NEO1: variants seen among roughly 807,000 people sequenced by gnomAD.
The protein encoded by NEO1 is neogenin.
A neutral mutation model predicts 159.7 loss-of-function variants in NEO1; 63 were observed. That is an observed-to-expected ratio of 0.39 (90% CI 0.32 to 0.49). NEO1 has a LOEUF of 0.49. Among genes scored for constraint, NEO1 ranks in the 20% least tolerant of loss-of-function variants. NEO1 has a pLI of 0.85. For missense variants in NEO1, 1,615 were observed against 1,831.0 expected (o/e 0.88, Z 2.15); for synonymous variants, 633 against 662.0 (o/e 0.96, Z 0.67).
chr15:73,214,600 T>G (rs950235974), intron 7 of NEO1, among the ~76,000 whole-genome samples: 1 of 152,322 alleles, frequency 6.6e-6, no homozygotes, highest in Middle Eastern at 3.4e-3. Flanking sequence ...TGGGTTTGTT[T>G]CCAGGTTCTC....
At position 73,168,490 on chromosome 15, in the gene NEO1, C is replaced by T. The variant is rs550033711; in HGVS notation, c.1016-7913C>T. On this transcript the variant is annotated intron_variant, in intron 5 of 28. Transcript: ENST00000261908. Reference sequence around the variant, plus strand: ...CTAGGATTACAGGTGTGAGCCACCGCGCTGGCCGAGAAATACTTTTAATTA... The same window carrying T: ...CTAGGATTACAGGTGTGAGCCACCGTGCTGGCCGAGAAATACTTTTAATTA... 4.0e-5 allele frequency among the ~76,000 whole-genome samples: 6 copies of T among 151,396 alleles called. No homozygotes were observed. The East Asian group carries it at 5.8e-4, about 15-fold the overall frequency.
rs1251683023 is a variant in NEO1 at position 73,175,974 on chromosome 15, TTTG to T, written c.1016-417_1016-415del. Among the ~76,000 whole-genome samples the T allele has an allele frequency of 2.4e-4, 37 of 152,276 alleles. No individual in the cohort carries two copies. The South Asian group carries it at 2.7e-3, about 11-fold the overall frequency. On this transcript the variant is annotated intron_variant, in intron 5 of 28. Coordinates refer to ENST00000261908, the MANE Select transcript of NEO1 (RefSeq NM_002499.4). ...GACTCTAATGTGACGTTTATTTTAC[TTTG>T]TTGTTGTTGTTCTTACTTATCAAGC...
chr15:73,100,859 G>A (rs1291427929), intron 1 of NEO1, among the ~76,000 whole-genome samples: 1 of 152,018 alleles, frequency 6.6e-6, no homozygotes, highest in Admixed American at 6.6e-5. Flanking sequence ...AGCTATTTCA[G>A]ATGTTTTCCA....
intron 1 of NEO1, among the ~76,000 whole-genome samples, chr15:73,064,220 T>C (rs1439433719): frequency 1.3e-5 from 2 of 152,226 alleles, no homozygotes; most frequent in African/African-American, 4.8e-5. Flanking sequence ...TTCCACTTTG[T>C]TCACACTTAA....
intron 1 of NEO1, among the ~76,000 whole-genome samples, chr15:73,113,179 CT>C (rs139631574): frequency 5.3e-4 from 76 of 144,486 alleles, no homozygotes; most frequent in East Asian, 4.0e-4. Flanking sequence ...CTCTTACTGG[CT>C]TTTTTTTTTT....
intron 26 of NEO1, among the ~76,000 whole-genome samples, chr15:73,298,021 C>A (rs1046980901): frequency 2.0e-5 from 3 of 152,216 alleles, no homozygotes; most frequent in Non-Finnish European, 4.4e-5. Context: ...TTTTAATTTT[C>A]TTTTATACTT....
chr15:73,144,968 C>T (rs1282743529), intron 5 of NEO1, among the ~76,000 whole-genome samples: 1 of 152,144 alleles, frequency 6.6e-6, no homozygotes, highest in African/African-American at 2.4e-5. Flanking sequence ...ACCTATATTA[C>T]TGCAGTAGTT....
At chr15:73,274,340 G>C (rs1222544492) in intron 20 of NEO1, among the ~76,000 whole-genome samples, 2 of 152,166 alleles carry the variant, frequency 1.3e-5, no homozygotes, top group Non-Finnish European at 2.9e-5. Flanking sequence ...GTGTGTTCTT[G>C]TGATGGATAG....
At chr15:73,150,266 T>A (rs2033266099) in intron 5 of NEO1, among the ~76,000 whole-genome samples, 2 of 152,368 alleles carry the variant, frequency 1.3e-5, no homozygotes, top group African/African-American at 2.4e-5. Flanking sequence ...AGTATTTTTT[T>A]AAAAGAACTA....
At chr15:73,236,540 C>G (rs201851993) in intron 8 of NEO1, 34 bp downstream of exon 8, 3 of 1,601,506 alleles carry the variant, frequency 1.9e-6, no homozygotes, top group Non-Finnish European at 2.6e-6. Flanking sequence ...CAGTTGGCTG[C>G]CTCTTGGTCA....
At chr15:73,053,876 C>G (rs372360740) in intron 1 of NEO1, among the ~76,000 whole-genome samples, 1 of 152,164 alleles carries the variant, frequency 6.6e-6, no homozygotes, top group East Asian at 1.9e-4. Flanking sequence ...CTTGTTTTTC[C>G]CTGATTTATA....
rs531493888 is a variant in NEO1 at position 73,132,400 on chromosome 15, A to G, written c.879-3491A>G. 6.6e-5 allele frequency among the ~76,000 whole-genome samples: 10 copies of G among 152,228 alleles called. No individual in the cohort carries two copies. The East Asian group carries it at 1.7e-3, about 26-fold the overall frequency. The stretch of plus-strand genomic sequence containing the variant: ...GTCTGAGTGTGTCATTACTCTGCTC[A>G]AAAGCCTTTCCCTAAGACCTGAAAC... On this transcript the variant is annotated intron_variant, in intron 4 of 28. Transcript: ENST00000261908.
chr15:73,201,490 A>C (rs888759765), intron 7 of NEO1, among the ~76,000 whole-genome samples: 1 of 152,070 alleles, frequency 6.6e-6, no homozygotes, highest in Admixed American at 6.5e-5. Flanking sequence ...GATGTTGTCT[A>C]TCTTGGTGAA....
At chr15:73,130,997 G>T (rs2031047315) in intron 4 of NEO1, among the ~76,000 whole-genome samples, 1 of 152,160 alleles carries the variant, frequency 6.6e-6, no homozygotes, top group African/African-American at 2.4e-5. Context: ...CCACTTACAT[G>T]TTAATGGAGG....
chr15:73,160,410 C>T (rs995664434), intron 5 of NEO1, among the ~76,000 whole-genome samples: 1 of 152,144 alleles, frequency 6.6e-6, no homozygotes, highest in Non-Finnish European at 1.5e-5. Context: ...GAGTTTATTT[C>T]ATATGTATAT....
At chr15:73,206,046 A>G (rs1192833343) in intron 7 of NEO1, among the ~76,000 whole-genome samples, 1 of 151,920 alleles carries the variant, frequency 6.6e-6, no homozygotes, top group African/African-American at 2.4e-5. Flanking sequence ...TAGCTGGGCT[A>G]CAGGCATGTG....
chr15:73,078,933 G>T (rs549418910), intron 1 of NEO1, among the ~76,000 whole-genome samples: 10 of 152,236 alleles, frequency 6.6e-5, no homozygotes, highest in Non-Finnish European at 1.5e-4. Context: ...CTCAGGCCAG[G>T]CTCTTAACCA....
intron 1 of NEO1, among the ~76,000 whole-genome samples, chr15:73,060,165 A>G (rs1303384202): frequency 6.6e-6 from 1 of 152,214 alleles, no homozygotes; most frequent in Admixed American, 6.5e-5. Context: ...AATTCACAGC[A>G]TAGCTTTAAA....
chr15:73,239,359 A>G (rs545567202), intron 8 of NEO1, among the ~76,000 whole-genome samples: 27 of 152,314 alleles, frequency 1.8e-4, no homozygotes, highest in African/African-American at 6.5e-4. Context: ...ATAGACATAC[A>G]GATATATGTA....
Sources: gnomAD v4.1 joint callset for allele counts (sites outside exome capture counted in the v4.1 genomes callset) on GRCh38, gnomAD v4.1.1 for gene constraint, MANE v1.5 for transcripts, NCBI Gene and HGNC (gene_info 2026-07-23, HGNC 2026-07-21) for gene names.